Variants in ANKS1B observed in about 807,000 individuals in gnomAD.
ANKS1B encodes the protein ankyrin repeat and sterile alpha motif domain containing 1B, also known as ankyrin repeat and sterile alpha motif domain-containing protein 1B.
A neutral mutation model predicts 148.3 loss-of-function variants in ANKS1B; 36 were observed. The observed-to-expected ratio is 0.24, with a 90% confidence interval of 0.19 to 0.32. ANKS1B has a LOEUF of 0.32. ANKS1B is among the 10% of genes least tolerant of loss of function. The pLI, the probability that ANKS1B is intolerant of heterozygous loss-of-function variation, is 1.00. For missense variants in ANKS1B, 1,157 were observed against 1,542.6 expected, an observed-to-expected ratio of 0.75 and a Z score of 4.19; for synonymous variants, 542 against 560.8, an observed-to-expected ratio of 0.97 and a Z score of 0.47.
intron 17 of ANKS1B, among the ~76,000 whole-genome samples, chr12:98,845,132 C>T (rs867047181): frequency 1.3e-5 from 2 of 152,170 alleles, no homozygotes; most frequent in South Asian, 4.2e-4. Flanking sequence ...GGGAATGAAC[C>T]CATTTAGAAT....
chr12:99,697,893 C>T (rs1423803096), intron 8 of ANKS1B, among the ~76,000 whole-genome samples: 1 of 151,902 alleles, frequency 6.6e-6, no homozygotes. Flanking sequence ...TAAATTTACT[C>T]TAAAAAGTAA....
At chr12:98,899,518 G>A (rs2099769238) in intron 17 of ANKS1B, among the ~76,000 whole-genome samples, 1 of 152,268 alleles carries the variant, frequency 6.6e-6, no homozygotes, top group South Asian at 2.1e-4. Flanking sequence ...CTTAGATAAT[G>A]TCATTCAACT....
intron 12 of ANKS1B, among the ~76,000 whole-genome samples, chr12:99,377,602 C>T (rs1294265736): frequency 1.3e-5 from 2 of 152,172 alleles, no homozygotes; most frequent in Non-Finnish European, 2.9e-5. Flanking sequence ...TCAAAAGCAA[C>T]TCCAGAAGCT....
intron 9 of ANKS1B, among the ~76,000 whole-genome samples, chr12:99,591,604 T>C (rs1380119503): frequency 6.6e-6 from 1 of 152,056 alleles, no homozygotes; most frequent in African/African-American, 2.4e-5. Flanking sequence ...CCAGAAGCGG[T>C]CCCTGCCCCC....
chr12:99,155,643 A>G (rs2075948697), intron 14 of ANKS1B, among the ~76,000 whole-genome samples: 1 of 152,162 alleles, frequency 6.6e-6, no homozygotes, highest in Non-Finnish European at 1.5e-5. Context: ...TGAGTAATTT[A>G]TTTAATAATT....
chr12:98,948,396 C>T (rs959782947), intron 17 of ANKS1B, among the ~76,000 whole-genome samples: 3 of 152,260 alleles, frequency 2.0e-5, no homozygotes, highest in Non-Finnish European at 4.4e-5. Context: ...GGGGGACCTT[C>T]GGAGGTCATT....
intron 15 of ANKS1B, among the ~76,000 whole-genome samples, chr12:99,107,338 C>G (rs1169627465): frequency 6.6e-6 from 1 of 152,084 alleles, no homozygotes; most frequent in African/African-American, 2.4e-5. Flanking sequence ...GAAACTGATA[C>G]ACTCCTGCAC....
At chr12:99,287,972 GA>G (rs1334874186) in intron 12 of ANKS1B, among the ~76,000 whole-genome samples, 1 of 152,150 alleles carries the variant, frequency 6.6e-6, no homozygotes, top group African/African-American at 2.4e-5. Flanking sequence ...AGGAGGTAAA[GA>G]GAGAGATCAG....
chr12:99,186,878 G>A (rs2079932315), intron 14 of ANKS1B, among the ~76,000 whole-genome samples: 1 of 152,014 alleles, frequency 6.6e-6, no homozygotes, highest in African/African-American at 2.4e-5. Flanking sequence ...GAATGAGTTT[G>A]ACGAATTGAC....
intron 26 of ANKS1B, among the ~76,000 whole-genome samples, chr12:98,749,816 G>A (rs896895354): frequency 6.6e-6 from 1 of 152,196 alleles, no homozygotes; most frequent in African/African-American, 2.4e-5. Context: ...ATAGGCCTGG[G>A]GCGAGGTGGC....
intron 12 of ANKS1B, among the ~76,000 whole-genome samples, chr12:99,326,577 C>T (rs914939378): frequency 1.2e-4 from 19 of 152,066 alleles, no homozygotes; most frequent in African/African-American, 2.4e-5. Flanking sequence ...AAAGAGACTA[C>T]ATTAACATTG....
At chr12:99,677,517 T>C (rs527941095) in intron 8 of ANKS1B, among the ~76,000 whole-genome samples, 39 of 152,164 alleles carry the variant, frequency 2.6e-4, no homozygotes, top group Non-Finnish European at 5.6e-4. Context: ...TGTAATTAGA[T>C]TCTCTTTTAA....
At chr12:99,588,413 CTTTTT>C (rs57908824) in intron 9 of ANKS1B, among the ~76,000 whole-genome samples, 1 of 148,882 alleles carries the variant, frequency 6.7e-6, no homozygotes, top group African/African-American at 2.5e-5. Flanking sequence ...AAAATGTAAT[CTTTTT>C]TTTTTGTCTT....
At chr12:99,221,295 A>G (rs1310749938) in intron 14 of ANKS1B, among the ~76,000 whole-genome samples, 1 of 152,142 alleles carries the variant, frequency 6.6e-6, no homozygotes, top group Non-Finnish European at 1.5e-5. Context: ...AGCCAAGATC[A>G]TGCTACTGCA....
intron 9 of ANKS1B, among the ~76,000 whole-genome samples, chr12:99,518,461 T>C (rs987570991): frequency 6.6e-6 from 1 of 152,122 alleles, no homozygotes; most frequent in African/African-American, 2.4e-5. Context: ...TGTCTAGTAA[T>C]TTATCCATTT....
chr12:98,832,220 G>T, intron 17 of ANKS1B, 84 bp from the exon 18 acceptor site: 2 of 1,133,534 alleles, frequency 1.8e-6, no homozygotes, highest in Non-Finnish European at 1.2e-6. Context: ...GGTGAAAAAA[G>T]ATTTGTGCAA....
chr12:99,294,138 T>C (rs1378218895), intron 12 of ANKS1B, among the ~76,000 whole-genome samples: 1 of 152,212 alleles, frequency 6.6e-6, no homozygotes, highest in Non-Finnish European at 1.5e-5. Context: ...AAACTACAAA[T>C]AGAACCACCA....
intron 17 of ANKS1B, among the ~76,000 whole-genome samples, chr12:98,919,906 G>A (rs767458910): frequency 2.0e-5 from 3 of 152,164 alleles, no homozygotes; most frequent in Non-Finnish European, 4.4e-5. Flanking sequence ...GACTACACTC[G>A]AGACTTTCCA....
At chr12:99,245,911 A>G (rs950765930) in intron 13 of ANKS1B, among the ~76,000 whole-genome samples, 1 of 152,190 alleles carries the variant, frequency 6.6e-6, no homozygotes, top group Non-Finnish European at 1.5e-5. Flanking sequence ...CAAACTAACA[A>G]AGAGTTTGGC....
Sources: allele counts gnomAD v4.1 joint callset (sites outside exome capture counted in the v4.1 genomes callset), GRCh38; gene constraint gnomAD v4.1.1; transcripts MANE v1.5; gene names NCBI Gene and HGNC (gene_info 2026-07-23, HGNC 2026-07-21).